GRXCR2: variants seen among roughly 807,000 people sequenced by gnomAD.
GRXCR2 encodes glutaredoxin domain-containing cysteine-rich protein 2.
GRXCR2 carries 23 observed loss-of-function variants against 24.8 expected under a neutral mutation model. The ratio of observed to expected loss-of-function variants is 0.93; its 90% CI spans 0.67 to 1.32. GRXCR2 has a LOEUF of 1.32. GRXCR2 is among the 40% of genes most tolerant of loss of function. The pLI is 0.00. For synonymous variants in GRXCR2, 130 were observed against 116.1 expected (o/e 1.12, Z -0.77); for missense variants, 315 against 303.4 (o/e 1.04, Z -0.28).
intron 2 of GRXCR2, among the ~76,000 whole-genome samples, chr5:145,915,898 C>T (rs899643786): frequency 6.6e-6 from 1 of 152,184 alleles, no homozygotes; most frequent in Non-Finnish European, 1.5e-5. Context: ...TCAGAGCTTT[C>T]AGCACGGGCC....
At chr5:145,877,101 T>C (rs1756630204), upstream of GRXCR2, among the ~76,000 whole-genome samples, 1 of 152,110 alleles carries the variant, frequency 6.6e-6, no homozygotes, top group Non-Finnish European at 1.5e-5. Context: ...TCCATTGCTT[T>C]CTACCCAATT....
chr5:145,878,431 G>A (rs1216171768), intron 2 of GRXCR2, among the ~76,000 whole-genome samples: 3 of 152,172 alleles, frequency 2.0e-5, no homozygotes, highest in Non-Finnish European at 4.4e-5. Flanking sequence ...TCAATCAAGT[G>A]GAGGAAAGGG....
chr5:145,927,871 G>A (rs1757422815), intron 2 of GRXCR2, among the ~76,000 whole-genome samples: 1 of 152,100 alleles, frequency 6.6e-6, no homozygotes, highest in South Asian at 2.1e-4. Context: ...AACACCAAAA[G>A]CAATGGCAAC....
intron 2 of GRXCR2, among the ~76,000 whole-genome samples, chr5:145,913,425 C>CA: frequency 2.0e-5 from 3 of 150,888 alleles, no homozygotes; most frequent in African/African-American, 2.4e-5. Context: ...AGGGCCCACT[C>CA]AAAAAAACGG....
chr5:145,922,860 C>T (rs1757340968), intron 2 of GRXCR2, among the ~76,000 whole-genome samples: 1 of 152,238 alleles, frequency 6.6e-6, no homozygotes, highest in Admixed American at 6.5e-5. Flanking sequence ...GGTCTGGAAA[C>T]TCACTTTAGT....
At chr5:145,869,936 A>G (rs1261512868) in intron 1 of GRXCR2, among the ~76,000 whole-genome samples, 1 of 152,172 alleles carries the variant, frequency 6.6e-6, no homozygotes, top group Non-Finnish European at 1.5e-5. Context: ...TATCACAATG[A>G]CGTTGAAGGT....
At chr5:145,883,172 TA>T (rs901629309) in intron 2 of GRXCR2, among the ~76,000 whole-genome samples, 4 of 150,660 alleles carry the variant, frequency 2.7e-5, no homozygotes, top group Middle Eastern at 3.4e-3. Flanking sequence ...AAAGTATAAT[TA>T]AAAAAAAGAA....
At chr5:145,927,436 G>T (rs546335181) in intron 2 of GRXCR2, among the ~76,000 whole-genome samples, 2 of 152,258 alleles carry the variant, frequency 1.3e-5, no homozygotes, top group African/African-American at 4.8e-5. Context: ...TTTTTAGCAT[G>T]AAGCGTTGTT....
At chr5:145,902,110 T>G (rs548036788) in intron 2 of GRXCR2, among the ~76,000 whole-genome samples, 9 of 152,232 alleles carry the variant, frequency 5.9e-5, no homozygotes, top group African/African-American at 1.7e-4. Context: ...TCTTTTTTTT[T>G]AGAGAGATGG....
intron 2 of GRXCR2, among the ~76,000 whole-genome samples, chr5:145,904,133 A>G (rs539668586): frequency 8.5e-4 from 129 of 152,212 alleles, no homozygotes; most frequent in African/African-American, 3.0e-3. Flanking sequence ...CTCTGCCCAG[A>G]AGGGAGTGAA....
At chr5:145,880,822 T>G (rs1756689438) in intron 2 of GRXCR2, among the ~76,000 whole-genome samples, 1 of 152,160 alleles carries the variant, frequency 6.6e-6, no homozygotes, top group African/African-American at 2.4e-5. Context: ...CTCAAAAATC[T>G]TATCCACCAT....
In GRXCR2 at chr5:145,859,844, G is replaced by A. The variant is rs781265525; in HGVS notation, c.636C>T (p.His212=). 60 of 1,613,234 alleles carry A rather than the reference G, an allele frequency of 3.7e-5. No homozygotes were observed. Among genetic ancestry groups the A allele is most frequent in the Middle Eastern group, 3.3e-4 (2 of 6,072 alleles). ...TGGCCAGCATCGAGAACTTGCTGCC[G>A]TGGCACAGAGAGCAGGTGGCACTGC... ...GSGSATCSLC[H]GSKFSMLANR... The change falls in exon 3 of 3, where the codon CAC becomes CAT. Residue 212 remains histidine, a synonymous_variant. Coordinates refer to ENST00000377976, the MANE Select transcript of GRXCR2 (RefSeq NM_001080516.2).
chr5:145,892,363 G>A (rs142226071), intron 2 of GRXCR2, among the ~76,000 whole-genome samples: 19,841 of 152,024 alleles, frequency 0.13, 1,656 homozygotes, highest in Admixed American at 0.23. Context: ...CGAACCCATG[G>A]CAAAGAAGTT....
Position 145,866,680 on chromosome 5 carries a change from G to A in GRXCR2, c.385C>T (p.Leu129=), listed in dbSNP as rs551121997. 1.2e-6 allele frequency: 2 copies of A among 1,613,470 alleles called. No homozygotes were observed. Among genetic ancestry groups the A allele is most frequent in the Non-Finnish European group, 1.7e-6 (2 of 1,179,412 alleles). ...FGKIIIYTNN[L]KIIRTPMDKR... ...TCCATTGGGGTTCGAATGATTTTCA[G>A]GTTATTAGTGTAGATGATTATCTTT... Residue 129 remains leucine (L), a synonymous_variant, in exon 2 of 3, where the codon CTG becomes TTG. Coordinates refer to ENST00000377976, the MANE Select transcript of GRXCR2 (RefSeq NM_001080516.2).
At chr5:145,889,878 A>G (rs1756839080) in intron 2 of GRXCR2, among the ~76,000 whole-genome samples, 1 of 152,232 alleles carries the variant, frequency 6.6e-6, no homozygotes, top group African/African-American at 2.4e-5. Context: ...AAAGACAGCA[A>G]AGCAGTCCAG....
chr5:145,886,405 C>G (rs58883141), intron 2 of GRXCR2, among the ~76,000 whole-genome samples: 1,527 of 152,280 alleles, frequency 0.01, 33 homozygotes, highest in African/African-American at 0.035. Context: ...GGAAGGTTAC[C>G]AGAGGACCCA....
At chr5:145,867,226 G>C (rs953763757) in intron 1 of GRXCR2, among the ~76,000 whole-genome samples, 1 of 152,112 alleles carries the variant, frequency 6.6e-6, no homozygotes, top group Admixed American at 6.5e-5. Context: ...ATCCCTATGA[G>C]GCAGATGCTA....
At chr5:145,861,269 A>G (rs1483022196) in intron 2 of GRXCR2, among the ~76,000 whole-genome samples, 1 of 152,156 alleles carries the variant, frequency 6.6e-6, no homozygotes, top group Non-Finnish European at 1.5e-5. Flanking sequence ...GTCACATAGA[A>G]AGCAATCAGG....
chr5:145,882,068 T>C (rs1341266699), intron 2 of GRXCR2, among the ~76,000 whole-genome samples: 2 of 152,170 alleles, frequency 1.3e-5, no homozygotes, highest in Non-Finnish European at 2.9e-5. Flanking sequence ...ATAAAACCCC[T>C]AGAAGAAAAC....
Sources: gnomAD v4.1 joint callset for allele counts (sites outside exome capture counted in the v4.1 genomes callset) on GRCh38, gnomAD v4.1.1 for gene constraint, MANE v1.5 for transcripts, NCBI Gene and HGNC (gene_info 2026-07-23, HGNC 2026-07-21) for gene names.